EBF2: variants seen among roughly 807,000 people sequenced by gnomAD.
EBF2 encodes the protein transcription factor COE2.
In EBF2, 21 loss-of-function variants were observed where a neutral mutation model predicts 72.8. The observed-to-expected ratio is 0.29, with a 90% CI of 0.20 to 0.42. EBF2 has a LOEUF of 0.42. Ranked by LOEUF, EBF2 falls within the 10% of genes least tolerant of loss-of-function variation. EBF2 has a pLI of 1.00. For missense variants in EBF2, 637 were observed against 731.2 expected (o/e 0.87, Z 1.49); for synonymous variants, 299 against 274.2 (o/e 1.09, Z -0.89).
At chr8:25,998,422 T>C (rs1004676396) in intron 6 of EBF2, among the ~76,000 whole-genome samples, 5 of 152,112 alleles carry the variant, frequency 3.3e-5, no homozygotes, top group Non-Finnish European at 7.3e-5. Flanking sequence ...GAAGAAGGAA[T>C]GTCCAACTCT....
intron 6 of EBF2, among the ~76,000 whole-genome samples, chr8:25,951,518 A>G (rs1011365940): frequency 6.6e-6 from 1 of 152,194 alleles, no homozygotes; most frequent in African/African-American, 2.4e-5. Context: ...GCTCTGTCCA[A>G]ATAATTTTTA....
intron 15 of EBF2, among the ~76,000 whole-genome samples, chr8:25,846,041 C>A (rs190313578): frequency 6.6e-5 from 10 of 152,230 alleles, no homozygotes; most frequent in Admixed American, 6.5e-4. Flanking sequence ...GCCCATATAG[C>A]CTTTATTGAA....
rs141887425 is a variant in EBF2 at position 25,911,118 on chromosome 8, G to A, written c.552-2563C>T. 3.5e-4 allele frequency among the ~76,000 whole-genome samples: 53 copies of A among 151,986 alleles called. No homozygotes were observed. In the East Asian group the frequency reaches 9.1e-3, roughly 26 times the overall value. ...CTAATCATACCATCCATTTAGCCAC[G>A]GGGTAACTTACAGGGAACAAATTCT... On this transcript the variant is annotated intron_variant, in intron 6 of 15. Transcript: ENST00000520164.
intron 7 of EBF2, among the ~76,000 whole-genome samples, chr8:25,901,457 G>A (rs1802952330): frequency 6.6e-6 from 1 of 150,782 alleles, no homozygotes; most frequent in South Asian, 2.1e-4. Flanking sequence ...GATTTTTGAG[G>A]TTGGACTGTG....
chr8:25,933,076 T>C (rs1235092390), intron 6 of EBF2, among the ~76,000 whole-genome samples: 1 of 152,158 alleles, frequency 6.6e-6, no homozygotes, highest in Non-Finnish European at 1.5e-5. Flanking sequence ...TTGTGAGTTG[T>C]TTTGTTTTCT....
At chr8:26,006,708 T>C (rs1469933496) in intron 6 of EBF2, among the ~76,000 whole-genome samples, 2 of 152,222 alleles carry the variant, frequency 1.3e-5, no homozygotes, top group Admixed American at 1.3e-4. Flanking sequence ...ATGTTGGCTA[T>C]AGTGAGACAG....
At chr8:25,852,519 C>G (rs1432380236) in intron 14 of EBF2, among the ~76,000 whole-genome samples, 1 of 152,132 alleles carries the variant, frequency 6.6e-6, no homozygotes, top group Non-Finnish European at 1.5e-5. Flanking sequence ...CACACACACT[C>G]CATTCCATTT....
chr8:25,910,537 A>G (rs1168344625), intron 6 of EBF2, among the ~76,000 whole-genome samples: 2 of 152,234 alleles, frequency 1.3e-5, no homozygotes, highest in Non-Finnish European at 2.9e-5. Flanking sequence ...TGGTGAAAAC[A>G]TTAATGTTCA....
chr8:25,870,092 A>G (rs1324357270), intron 10 of EBF2, among the ~76,000 whole-genome samples: 2 of 152,092 alleles, frequency 1.3e-5, no homozygotes, highest in Non-Finnish European at 1.5e-5. Context: ...ACAGATGCAA[A>G]AGCATGAATG....
intron 6 of EBF2, among the ~76,000 whole-genome samples, chr8:25,925,622 C>T (rs917773328): frequency 6.6e-6 from 1 of 152,118 alleles, no homozygotes; most frequent in Non-Finnish European, 1.5e-5. Flanking sequence ...TGTGTGTCTA[C>T]GCATGTGTGT....
At chr8:25,858,161 GA>G (rs1712569307) in intron 14 of EBF2, 157 bp downstream of exon 14, 2 of 946,274 alleles carry the variant, frequency 2.1e-6, no homozygotes, top group Non-Finnish European at 3.3e-6. Context: ...CCAGCTAAGG[GA>G]AAAGAACGAA....
chr8:25,977,136 C>G (rs1288978220), intron 6 of EBF2, among the ~76,000 whole-genome samples: 1 of 152,196 alleles, frequency 6.6e-6, no homozygotes. Flanking sequence ...CCAGAGCCTG[C>G]CCTCATTCCC....
chr8:25,943,311 CAAAAA>C (rs71551840), intron 6 of EBF2, among the ~76,000 whole-genome samples: 2 of 59,158 alleles, frequency 3.4e-5, no homozygotes, highest in South Asian at 9.8e-4. Flanking sequence ...TGTCTCTACA[CAAAAA>C]AAAAAAAAAA....
intron 6 of EBF2, among the ~76,000 whole-genome samples, chr8:26,000,928 T>A (rs1371651421): frequency 6.6e-6 from 1 of 152,072 alleles, no homozygotes; most frequent in Non-Finnish European, 1.5e-5. Flanking sequence ...CTGCAGGAAG[T>A]GAGCAAGGAA....
intron 15 of EBF2, among the ~76,000 whole-genome samples, chr8:25,845,233 G>A (rs1306401186): frequency 1.3e-5 from 2 of 152,044 alleles, no homozygotes; most frequent in Admixed American, 1.3e-4. Context: ...TAGTCCCTCA[G>A]TTCCCACTCT....
chr8:26,039,624 G>T (rs1009143297), intron 5 of EBF2, among the ~76,000 whole-genome samples: 3 of 152,160 alleles, frequency 2.0e-5, no homozygotes, highest in African/African-American at 7.2e-5. Flanking sequence ...ACTAGGAGTC[G>T]TTCCAGGGCT....
At chr8:25,873,083 C>T (rs1437523634) in intron 10 of EBF2, among the ~76,000 whole-genome samples, 2 of 152,230 alleles carry the variant, frequency 1.3e-5, no homozygotes, top group Admixed American at 6.5e-5. Context: ...CTCCCTTCTG[C>T]CCTATTCCTC....
chr8:25,900,169 T>C (rs769633017), intron 7 of EBF2, among the ~76,000 whole-genome samples: 1 of 152,204 alleles, frequency 6.6e-6, no homozygotes, highest in African/African-American at 2.4e-5. Context: ...GAAATGTGTC[T>C]GTCTGGCCAG....
At chr8:25,954,645 G>T (rs567118256) in intron 6 of EBF2, among the ~76,000 whole-genome samples, 90 of 152,298 alleles carry the variant, frequency 5.9e-4, no homozygotes, top group Non-Finnish European at 1.1e-3. Flanking sequence ...TGTACTCACC[G>T]TTCAAGGCTC....
Sources: allele counts gnomAD v4.1 joint callset (sites outside exome capture counted in the v4.1 genomes callset), GRCh38; gene constraint gnomAD v4.1.1; transcripts MANE v1.5; gene names NCBI Gene and HGNC (gene_info 2026-07-23, HGNC 2026-07-21).